Variants in EYS observed in about 807,000 individuals in gnomAD.
EYS encodes the protein EGF-like photoreceptor maintenance factor.
Under a neutral mutation model 282.1 loss-of-function variants are expected in EYS, and 250 were observed. That is an observed-to-expected ratio of 0.89 (90% CI 0.80 to 0.98). EYS has a LOEUF of 0.98. Ranked by LOEUF, EYS falls within the 50% of genes least tolerant of loss-of-function variation. The pLI is 0.00. For missense variants in EYS, 4,016 were observed against 3,709.0 expected (o/e 1.08, Z -2.15); for synonymous variants, 1,355 against 1,282.9 (o/e 1.06, Z -1.20).
chr6:64,380,872 A>C (rs1014723055), intron 29 of EYS, among the ~76,000 whole-genome samples: 9 of 152,124 alleles, frequency 5.9e-5, no homozygotes, highest in Non-Finnish European at 1.2e-4. Flanking sequence ...AAAAGCAGCC[A>C]GGAGTGGTGG....
intron 35 of EYS, among the ~76,000 whole-genome samples, chr6:63,885,449 T>A (rs767169389): frequency 6.6e-6 from 1 of 152,184 alleles, no homozygotes; most frequent in Non-Finnish European, 1.5e-5. Flanking sequence ...AGTATCTCAA[T>A]GATACTCTTT....
chr6:64,113,837 C>T (rs563364084), intron 31 of EYS, among the ~76,000 whole-genome samples: 6 of 152,222 alleles, frequency 3.9e-5, no homozygotes, highest in South Asian at 4.2e-4. Context: ...AAAACAGCTA[C>T]GAAAGTTGCT....
chr6:65,069,194 C>T (rs971867450), intron 12 of EYS, among the ~76,000 whole-genome samples: 2 of 152,008 alleles, frequency 1.3e-5, no homozygotes, highest in Non-Finnish European at 2.9e-5. Context: ...CATCTTCAAA[C>T]TTCTGCTTTT....
intron 36 of EYS, among the ~76,000 whole-genome samples, chr6:63,815,278 G>C (rs1771150780): frequency 6.6e-6 from 1 of 152,040 alleles, no homozygotes; most frequent in South Asian, 2.1e-4. Flanking sequence ...CTATCTTATA[G>C]ATGAAGAAAT....
At chr6:63,781,160 T>G (rs1038093123) in intron 39 of EYS, among the ~76,000 whole-genome samples, 2 of 152,242 alleles carry the variant, frequency 1.3e-5, no homozygotes, top group Non-Finnish European at 2.9e-5. Flanking sequence ...AGCCTTGTAG[T>G]ATAGTTTGAA....
intron 35 of EYS, among the ~76,000 whole-genome samples, chr6:63,920,487 C>T (rs1484989231): frequency 2.0e-5 from 3 of 152,194 alleles, no homozygotes; most frequent in African/African-American, 7.2e-5. Context: ...TCACTGGGCT[C>T]CCACAAACAG....
At chr6:64,125,609 C>A (rs1022940600) in intron 31 of EYS, among the ~76,000 whole-genome samples, 5 of 151,518 alleles carry the variant, frequency 3.3e-5, no homozygotes, top group Non-Finnish European at 7.4e-5. Flanking sequence ...CACGGTGAAA[C>A]CCCATCTCTA....
intron 11 of EYS, among the ~76,000 whole-genome samples, chr6:65,312,649 A>G (rs1475851652): frequency 6.6e-6 from 1 of 152,208 alleles, no homozygotes. Flanking sequence ...CAAATGTTTT[A>G]CATGTAAACA....
At chr6:63,735,682 C>T (rs1768892523) in intron 41 of EYS, among the ~76,000 whole-genome samples, 1 of 152,082 alleles carries the variant, frequency 6.6e-6, no homozygotes, top group South Asian at 2.1e-4. Context: ...TACAACACTA[C>T]AATCCAACAA....
chr6:65,407,935 T>A (rs544259992), intron 5 of EYS, among the ~76,000 whole-genome samples: 4 of 152,130 alleles, frequency 2.6e-5, no homozygotes, highest in African/African-American at 7.2e-5. Flanking sequence ...TTGTCATAGA[T>A]GCTTTTTATC....
intron 28 of EYS, among the ~76,000 whole-genome samples, chr6:64,431,577 G>A (rs9362824): frequency 0.28 from 42,100 of 151,916 alleles, 5,955 homozygotes; most frequent in East Asian, 0.46. Context: ...GGTACTGTAG[G>A]TTAGCCTACC....
chr6:64,923,329 A>C lies in EYS; in HGVS notation c.2382-10586T>G, dbSNP rs138857159. ...ATGAGACTTAATGACTATCACGAGA[A>C]TAGCACAGGAAAGACCTGCCTCCAT... On this transcript the variant is annotated intron_variant, in intron 15 of 42. Transcript: ENST00000503581. 3.6e-4 allele frequency among the ~76,000 whole-genome samples: 55 copies of C among 152,290 alleles called. No homozygotes were observed. The East Asian group carries it at 9.3e-3, about 26-fold the overall frequency.
chr6:65,003,268 A>G (rs9351478), intron 13 of EYS, among the ~76,000 whole-genome samples: 11,316 of 146,978 alleles, frequency 0.077, 1,708 homozygotes, highest in East Asian at 0.17. Context: ...GGGCGTGGCC[A>G]TCTCTTATGG....
At chr6:65,431,800 T>TATA (rs1255285851) in intron 5 of EYS, among the ~76,000 whole-genome samples, 2 of 152,140 alleles carry the variant, frequency 1.3e-5, no homozygotes, top group Non-Finnish European at 2.9e-5. Flanking sequence ...TAATTTTAGT[T>TATA]ATAATGTTTA....
At chr6:65,471,789 T>A (rs1765227611) in intron 5 of EYS, among the ~76,000 whole-genome samples, 1 of 152,228 alleles carries the variant, frequency 6.6e-6, no homozygotes, top group Admixed American at 6.5e-5. Context: ...ACTATTCTAT[T>A]TCTAATAAAA....
intron 12 of EYS, among the ~76,000 whole-genome samples, chr6:65,115,524 T>A (rs11963586): frequency 0.17 from 25,191 of 152,086 alleles, 2,316 homozygotes; most frequent in Middle Eastern, 0.21. Flanking sequence ...TGCCTGACAC[T>A]ATGTTAAAGG....
intron 24 of EYS, among the ~76,000 whole-genome samples, chr6:64,594,597 A>T (rs535431293): frequency 6.6e-6 from 1 of 151,006 alleles, no homozygotes; most frequent in Non-Finnish European, 1.5e-5. Flanking sequence ...AAGGACAAAA[A>T]ACCAAACACT....
rs1053519176 is a variant in EYS at position 64,989,535 on chromosome 6, A to G, written c.2259+8047T>C. Among the ~76,000 whole-genome samples, 41 of 137,664 alleles carry G rather than the reference A, an allele frequency of 3.0e-4. 2 individuals carry two copies. In the East Asian group the frequency reaches 8.2e-3, roughly 28 times the overall value. 90.3% of individuals were successfully genotyped at this position (137,664 alleles called of 152,430 possible). ...AATACATAAAATTATAATATATATT[A>G]TGTTATAATATATCATATATTTTAT... On this transcript the variant is annotated intron_variant, in intron 14 of 42. Transcript: ENST00000503581.
intron 2 of EYS, among the ~76,000 whole-genome samples, chr6:65,603,854 A>C (rs982826339): frequency 6.6e-6 from 1 of 151,856 alleles, no homozygotes; most frequent in East Asian, 1.9e-4. Flanking sequence ...TTGATTTTTC[A>C]CATTTAAAAA....
Sources: gnomAD v4.1 joint callset for allele counts (sites outside exome capture counted in the v4.1 genomes callset) on GRCh38, gnomAD v4.1.1 for gene constraint, MANE v1.5 for transcripts, NCBI Gene and HGNC (gene_info 2026-07-23, HGNC 2026-07-21) for gene names.